Variants in KRT8 observed in about 807,000 individuals in gnomAD.
KRT8 encodes the protein keratin 8.
A neutral mutation model predicts 43.0 loss-of-function variants in KRT8; 24 were observed. The ratio of observed to expected loss-of-function variants is 0.56; its 90% CI spans 0.40 to 0.78. KRT8 has a LOEUF of 0.78. Among genes scored for constraint, KRT8 ranks in the 30% least tolerant of loss-of-function variants. The pLI is 0.00. For synonymous variants in KRT8, 214 were observed against 261.2 expected (o/e 0.82, Z 1.74); for missense variants, 492 against 638.4 (o/e 0.77, Z 2.47).
intron 2 of KRT8, among the ~76,000 whole-genome samples, chr12:52,927,521 A>G (rs1257000305): frequency 6.6e-6 from 1 of 152,208 alleles, no homozygotes; most frequent in Non-Finnish European, 1.5e-5. Flanking sequence ...GGCCAGAGCC[A>G]TCAGGGCTGG....
chr12:52,938,208 G>A (rs1471119855), intron 2 of KRT8, among the ~76,000 whole-genome samples: 11 of 115,676 alleles, frequency 9.5e-5, no homozygotes, highest in Non-Finnish European at 1.7e-4. Flanking sequence ...TTGCTCTGTC[G>A]CCCAGGCTGG....
chr12:52,900,963 C>G, intron 3 of KRT8, 196 bp downstream of exon 3: 1 of 658,426 alleles, frequency 1.5e-6, no homozygotes, highest in Non-Finnish European at 2.8e-6. Context: ...CATGTCCCAA[C>G]ACCGATGTCA....
intron 2 of KRT8, among the ~76,000 whole-genome samples, chr12:52,938,170 A>T (rs914678639): frequency 0.071 from 2,116 of 29,632 alleles, 122 homozygotes; most frequent in South Asian, 0.11. Flanking sequence ...ATATATATAT[A>T]TTTTTTTTTT....
intron 2 of KRT8, among the ~76,000 whole-genome samples, chr12:52,939,819 C>T (rs1942237413): frequency 6.6e-6 from 1 of 151,870 alleles, no homozygotes; most frequent in South Asian, 2.1e-4. Flanking sequence ...AGCACTGTGC[C>T]TCATGCCTGT....
intron 2 of KRT8, among the ~76,000 whole-genome samples, chr12:52,921,405 C>T (rs1465733187): frequency 1.3e-5 from 2 of 152,168 alleles, no homozygotes; most frequent in Admixed American, 1.3e-4. Context: ...CTGCAAAAGT[C>T]AAACTCCCTA....
intron 2 of KRT8, among the ~76,000 whole-genome samples, chr12:52,941,473 T>C (rs1384787673): frequency 6.8e-6 from 1 of 146,926 alleles, no homozygotes; most frequent in East Asian, 2.0e-4. Context: ...TAGCAAGTTT[T>C]TGCTCTTTTT....
chr12:52,938,680 C>T (rs1376713507), intron 2 of KRT8, among the ~76,000 whole-genome samples: 1 of 151,352 alleles, frequency 6.6e-6, no homozygotes, highest in Non-Finnish European at 1.5e-5. Flanking sequence ...TGCAGTGGTG[C>T]GATCTCAGCT....
intron 2 of KRT8, among the ~76,000 whole-genome samples, chr12:52,914,237 C>T (rs1333641644): frequency 1.4e-5 from 2 of 147,912 alleles, no homozygotes; most frequent in East Asian, 2.0e-4. Context: ...ATAAAACAAA[C>T]AAAACAAAAA....
At chr12:52,913,161 G>C (rs1390417103) in intron 2 of KRT8, among the ~76,000 whole-genome samples, 1 of 152,194 alleles carries the variant, frequency 6.6e-6, no homozygotes, top group Non-Finnish European at 1.5e-5. Context: ...AGCCCATGGA[G>C]AGCAGAGTCA....
chr12:52,897,645 G>A (rs1941248282), intron 7 of KRT8, 27 bp from the exon 8 acceptor site: 1 of 1,597,656 alleles, frequency 6.3e-7, no homozygotes, highest in Non-Finnish European at 8.5e-7. Flanking sequence ...GTAGCCACAT[G>A]AGTACAGAAG....
chr12:52,941,514 G>C (rs1365483591), intron 2 of KRT8, among the ~76,000 whole-genome samples: 1 of 85,280 alleles, frequency 1.2e-5, no homozygotes, highest in African/African-American at 4.9e-5. Context: ...TTGAGACAGT[G>C]TTTCACTCTT....
intron 2 of KRT8, chr12:52,948,647 A>G (rs1301122908): frequency 3.0e-6 from 1 of 328,956 alleles, no homozygotes; most frequent in East Asian, 4.6e-5. Context: ...GTGCACCATC[A>G]CGTCCGGCTA....
intron 7 of KRT8, 124 bp downstream of exon 7, chr12:52,898,337 C>T (rs1436966901): frequency 3.8e-6 from 3 of 791,620 alleles, no homozygotes; most frequent in Non-Finnish European, 6.4e-6. Flanking sequence ...CCCTAGGATT[C>T]TCCCAAGAAC....
chr12:52,931,514 A>G (rs1167053045), intron 2 of KRT8, among the ~76,000 whole-genome samples: 6 of 152,126 alleles, frequency 3.9e-5, no homozygotes, highest in Non-Finnish European at 8.8e-5. Context: ...CATGTTCCCA[A>G]TCATAGCTGG....
intron 2 of KRT8, among the ~76,000 whole-genome samples, chr12:52,924,416 T>C (rs1047140798): frequency 6.7e-6 from 1 of 148,472 alleles, no homozygotes; most frequent in Non-Finnish European, 1.5e-5. Context: ...GCCACTGCAC[T>C]CCAGCCTGGG....
chr12:52,910,160 G>A (rs558001903), upstream of KRT8, among the ~76,000 whole-genome samples: 53 of 152,274 alleles, frequency 3.5e-4, no homozygotes, highest in South Asian at 3.5e-3. Flanking sequence ...AAGCCTAGGC[G>A]GAAGGTCCCA....
At chr12:52,944,287 G>A (rs1592189498) in intron 2 of KRT8, among the ~76,000 whole-genome samples, 1 of 152,136 alleles carries the variant, frequency 6.6e-6, no homozygotes, top group Admixed American at 6.5e-5. Context: ...ATAGAGACAG[G>A]GTCTTGTTAT....
chr12:52,914,418 C>T (rs1436586768), intron 2 of KRT8, among the ~76,000 whole-genome samples: 10 of 150,776 alleles, frequency 6.6e-5, no homozygotes, highest in Admixed American at 5.3e-4. Context: ...ATGCCTGTAA[C>T]CCCAGCTACT....
At chr12:52,910,410 C>A (rs753544826), upstream of KRT8, among the ~76,000 whole-genome samples, 1 of 152,226 alleles carries the variant, frequency 6.6e-6, no homozygotes, top group Non-Finnish European at 1.5e-5. Context: ...AAATCCACAG[C>A]ACTGCAGGTT....
Sources: allele counts gnomAD v4.1 joint callset (sites outside exome capture counted in the v4.1 genomes callset), GRCh38; gene constraint gnomAD v4.1.1; transcripts MANE v1.5; gene names NCBI Gene and HGNC (gene_info 2026-07-23, HGNC 2026-07-21).